The following KCNH8 variants were observed in gnomAD, a reference collection of about 807,000 sequenced individuals.
The protein encoded by KCNH8 is voltage-gated delayed rectifier potassium channel KCNH8.
KCNH8 carries 70 observed loss-of-function variants against 103.6 expected under a neutral mutation model. That is an observed-to-expected ratio of 0.68 (90% CI 0.56 to 0.82). The LOEUF (loss-of-function observed/expected upper bound fraction) is 0.82. Among genes scored for constraint, KCNH8 ranks in the 40% least tolerant of loss-of-function variants. KCNH8 has a pLI of 0.00. For synonymous variants in KCNH8, 498 were observed against 489.4 expected (o/e 1.02, Z -0.23); for missense variants, 1,217 against 1,329.9 (o/e 0.92, Z 1.32).
chr3:19,293,618 G>A (rs1005783129), intron 3 of KCNH8, among the ~76,000 whole-genome samples: 2 of 152,166 alleles, frequency 1.3e-5, no homozygotes, highest in Admixed American at 1.3e-4. Context: ...CAACCATCCA[G>A]ATTAAGCTAA....
chr3:19,252,535 G>A (rs2064292193), intron 1 of KCNH8, among the ~76,000 whole-genome samples: 1 of 151,758 alleles, frequency 6.6e-6, no homozygotes. Flanking sequence ...GATTACAGGG[G>A]CCCACCACCA....
chr3:19,240,139 C>G (rs1350400061), intron 1 of KCNH8, among the ~76,000 whole-genome samples: 2 of 152,114 alleles, frequency 1.3e-5, no homozygotes, highest in Non-Finnish European at 2.9e-5. Flanking sequence ...TTTCCGCTTT[C>G]TTGGCTACTC....
intron 1 of KCNH8, among the ~76,000 whole-genome samples, chr3:19,190,744 T>C (rs2063544039): frequency 6.6e-6 from 1 of 151,914 alleles, no homozygotes; most frequent in African/African-American, 2.4e-5. Context: ...GCTTTCACAA[T>C]GTGTAATGGA....
chr3:19,311,826 C>T (rs1200637150), intron 3 of KCNH8, among the ~76,000 whole-genome samples: 1 of 151,932 alleles, frequency 6.6e-6, no homozygotes, highest in Non-Finnish European at 1.5e-5. Flanking sequence ...AGATGATGCA[C>T]ATCCTTGGAG....
intron 11 of KCNH8, among the ~76,000 whole-genome samples, chr3:19,473,346 T>C (rs1035299119): frequency 6.6e-6 from 1 of 152,232 alleles, no homozygotes; most frequent in Non-Finnish European, 1.5e-5. Flanking sequence ...GACATCTGAT[T>C]AACAAGAGGA....
intron 11 of KCNH8, among the ~76,000 whole-genome samples, chr3:19,476,938 G>A (rs2067988642): frequency 6.6e-6 from 1 of 152,010 alleles, no homozygotes; most frequent in African/African-American, 2.4e-5. Context: ...TGTATATATT[G>A]TCAATGTCTT....
intron 11 of KCNH8, among the ~76,000 whole-genome samples, chr3:19,483,146 G>T (rs546765136): frequency 6.6e-6 from 1 of 152,082 alleles, no homozygotes; most frequent in Admixed American, 6.5e-5. Context: ...GATGGTTTAA[G>T]AGTGCCAATA....
chr3:19,366,721 A>C (rs987254034), intron 5 of KCNH8, among the ~76,000 whole-genome samples: 2 of 152,034 alleles, frequency 1.3e-5, no homozygotes. Context: ...CATTATTCAC[A>C]TGGTTTGTAT....
chr3:19,495,347 G>C (rs1338232165), intron 11 of KCNH8, among the ~76,000 whole-genome samples: 1 of 152,034 alleles, frequency 6.6e-6, no homozygotes. Context: ...TTTAAGTCTT[G>C]AATTCATCTT....
intron 2 of KCNH8, among the ~76,000 whole-genome samples, chr3:19,265,203 T>C (rs1405133144): frequency 6.6e-6 from 1 of 152,120 alleles, no homozygotes; most frequent in African/African-American, 2.4e-5. Flanking sequence ...AGCTTGATCT[T>C]TCCTAAAATA....
At chr3:19,461,858 G>A (rs1335776717) in intron 11 of KCNH8, among the ~76,000 whole-genome samples, 6 of 151,810 alleles carry the variant, frequency 4.0e-5, no homozygotes, top group Non-Finnish European at 5.9e-5. Flanking sequence ...GATGTTCCCC[G>A]CCCTGTGTCC....
chr3:19,291,574 T>A lies in KCNH8; in HGVS notation c.442+10245T>A, dbSNP rs1281465136. 2.0e-5 allele frequency among the ~76,000 whole-genome samples: 3 copies of A among 152,364 alleles called. No homozygotes were observed. The South Asian group carries it at 6.2e-4, about 32-fold the overall frequency. On this transcript the variant is annotated intron_variant, in intron 3 of 15. Coordinates refer to ENST00000328405, the MANE Select transcript of KCNH8 (RefSeq NM_144633.3). Reference sequence around the variant, plus strand: ...CGGTTTTGAGTGAGTTTCTTAATCCTGAGTTCTAGTTTGATTGCACTGTGG... The same window carrying A: ...CGGTTTTGAGTGAGTTTCTTAATCCAGAGTTCTAGTTTGATTGCACTGTGG...
intron 5 of KCNH8, among the ~76,000 whole-genome samples, chr3:19,377,364 G>A (rs2066224224): frequency 6.6e-6 from 1 of 152,142 alleles, no homozygotes; most frequent in Admixed American, 6.5e-5. Flanking sequence ...TTGGAGAGGT[G>A]AGAACACATG....
chr3:19,240,813 T>C (rs2064130689), intron 1 of KCNH8, among the ~76,000 whole-genome samples: 1 of 150,466 alleles, frequency 6.6e-6, no homozygotes, highest in South Asian at 2.1e-4. Flanking sequence ...TTGACATCAT[T>C]CTTGAACTCC....
chr3:19,203,725 A>G lies in KCNH8; in HGVS notation c.77-49929A>G, dbSNP rs900456576. On this transcript the variant is annotated intron_variant, in intron 1 of 15. Coordinates refer to ENST00000328405, the MANE Select transcript of KCNH8 (RefSeq NM_144633.3). ...TCAAAGTACATAAAGGTGTGCAAAA[A>G]TGCTTCCTCTGTTTATGTTTTTTCT... Among the ~76,000 whole-genome samples, 19 of 152,034 alleles carry G rather than the reference A, an allele frequency of 1.2e-4. 2 individuals carry two copies. Among genetic ancestry groups the G allele is most frequent in the Non-Finnish European group, 1.5e-5 (1 of 67,962 alleles).
At chr3:19,240,411 A>C (rs1218756138) in intron 1 of KCNH8, among the ~76,000 whole-genome samples, 1 of 151,948 alleles carries the variant, frequency 6.6e-6, no homozygotes, top group Non-Finnish European at 1.5e-5. Flanking sequence ...TCGGGAGTTC[A>C]AGAGGAGCCT....
chr3:19,500,803 C>T (rs909150377), intron 11 of KCNH8, among the ~76,000 whole-genome samples: 4 of 152,074 alleles, frequency 2.6e-5, no homozygotes, highest in African/African-American at 7.2e-5. Context: ...AAATTTATAG[C>T]ACTAAATGCC....
chr3:19,342,220 G>A lies in KCNH8; in HGVS notation c.443-367G>A, dbSNP rs183153427. ...AAAAATAATTGTAAATGTGGATATA[G>A]GGTACATATTAGAAATTTTTCTGGA... On this transcript the variant is annotated intron_variant, in intron 3 of 15. Transcript: ENST00000328405. 4.5e-3 allele frequency among the ~76,000 whole-genome samples: 690 copies of A among 152,156 alleles called. 5 individuals are homozygous for A. The highest frequency in any genetic ancestry group is 0.021 in the South Asian group (99 of 4,814).
intron 3 of KCNH8, among the ~76,000 whole-genome samples, chr3:19,313,202 A>G (rs1422921580): frequency 1.3e-5 from 2 of 151,854 alleles, no homozygotes; most frequent in South Asian, 2.1e-4. Flanking sequence ...CAGGCACTCA[A>G]AAGGGGGCTT....
Sources: allele counts gnomAD v4.1 joint callset (sites outside exome capture counted in the v4.1 genomes callset), GRCh38; gene constraint gnomAD v4.1.1; transcripts MANE v1.5; gene names NCBI Gene and HGNC (gene_info 2026-07-23, HGNC 2026-07-21).